SH3TC2: variants seen among roughly 807,000 people sequenced by gnomAD.
SH3TC2 encodes SH3 domain and tetratricopeptide repeats 2.
Under a neutral mutation model 124.5 loss-of-function variants are expected in SH3TC2, and 87 were observed. The ratio of observed to expected loss-of-function variants is 0.70; its 90% CI spans 0.59 to 0.84. The LOEUF (loss-of-function observed/expected upper bound fraction) is 0.84. Among genes scored for constraint, SH3TC2 ranks in the 40% least tolerant of loss-of-function variants. The pLI is 0.00. For missense variants in SH3TC2, 1,536 were observed against 1,566.4 expected, an observed-to-expected ratio of 0.98 and a Z score of 0.33; for synonymous variants, 634 against 628.5, an observed-to-expected ratio of 1.01 and a Z score of -0.13.
intron 8 of SH3TC2, among the ~76,000 whole-genome samples, chr5:149,032,186 C>A (rs1427688280): frequency 6.6e-6 from 1 of 152,156 alleles, no homozygotes; most frequent in Non-Finnish European, 1.5e-5. Context: ...TCAGAGGAAT[C>A]TTTCACCATT....
chr5:149,036,583 A>G (rs1437469803), intron 8 of SH3TC2, among the ~76,000 whole-genome samples: 1 of 152,170 alleles, frequency 6.6e-6, no homozygotes, highest in Non-Finnish European at 1.5e-5. Context: ...AGGACATTTA[A>G]TGAGAGCTCA....
chr5:148,989,242 A>G lies in SH3TC2; in HGVS notation c.*15469T>C, dbSNP rs1029042941. ...ATTAACGACCTATTACATTCCAGCCACCATGCTAACTGCTTTAGACATATT... is the reference window on the plus strand; with the variant it reads ...ATTAACGACCTATTACATTCCAGCCGCCATGCTAACTGCTTTAGACATATT... On this transcript the variant is annotated 3_prime_UTR_variant, in exon 17 of 17. Coordinates refer to ENST00000515425, the MANE Select transcript of SH3TC2 (RefSeq NM_024577.4). Among the ~76,000 whole-genome samples, 8 of 152,218 alleles carry G rather than the reference A, an allele frequency of 5.3e-5. No homozygotes were observed. Among genetic ancestry groups the G allele is most frequent in the African/African-American group, 1.4e-4 (6 of 41,454 alleles).
In SH3TC2 at chr5:149,027,521, G is replaced by C. The variant is rs1318388071; in HGVS notation, c.2211C>G (p.Cys737Trp). 6.2e-7 allele frequency: 1 copy of C among 1,614,078 alleles called. No individual in the cohort carries two copies. The highest frequency in any genetic ancestry group is 8.5e-7 in the Non-Finnish European group (1 of 1,180,034). ...CAGCCAGGGCCTGTCTGAGCATTGG[G>C]CAGGCCAAGGCAGAAACTTCACCCC... ...PGWGEVSALA[C>W]PMLRQALAAC... is the part of the protein sequence containing the mutation. Residue 737 changes from cysteine to tryptophan, a missense_variant, in exon 11 of 17, where the codon TGC becomes TGG. This residue lies in a region of SH3TC2 where 1,102 missense variants were observed against 1,098.6 expected (regional missense o/e 1.00). Transcript: ENST00000515425.
chr5:149,015,613 A>G (rs1753857821), intron 12 of SH3TC2, among the ~76,000 whole-genome samples: 1 of 152,094 alleles, frequency 6.6e-6, no homozygotes, highest in South Asian at 2.1e-4. Flanking sequence ...CCTCAAGTTC[A>G]GTCTCTGGGG....
chr5:148,985,334 A>G lies in SH3TC2; in HGVS notation c.*19377T>C, dbSNP rs1753315883. On this transcript the variant is annotated 3_prime_UTR_variant, in exon 17 of 17. Coordinates refer to ENST00000515425, the MANE Select transcript of SH3TC2 (RefSeq NM_024577.4). ...ATGCCATCACTACTACAATCAAGAT[A>G]TAGAACAGCTCCATCACTTCAAACA... 6.6e-6 allele frequency among the ~76,000 whole-genome samples: 1 copy of G among 152,228 alleles called. No individual in the cohort carries two copies. Among genetic ancestry groups the G allele is most frequent in the Non-Finnish European group, 1.5e-5 (1 of 68,030 alleles).
In SH3TC2 at chr5:149,052,275, T is replaced by C. The variant is rs1368034762; in HGVS notation, c.53-35A>G. ...ATGAAATAAAAGGTCATCTTAAGAG[T>C]GTAAGGAAGTTGAAAGCAAGTTATA... is the stretch of plus-strand genomic sequence containing the variant. On this transcript the variant is annotated intron_variant, in intron 1 of 16. Coordinates refer to ENST00000515425, the MANE Select transcript of SH3TC2 (RefSeq NM_024577.4). 2.6e-6 allele frequency: 4 copies of C among 1,527,444 alleles called. No individual in the cohort carries two copies. In the African/African-American group the frequency reaches 5.5e-5, roughly 21 times the overall value. 94.6% of individuals were successfully genotyped at this position (1,527,444 alleles called of 1,614,324 possible).
intron 12 of SH3TC2, among the ~76,000 whole-genome samples, chr5:149,015,114 A>G (rs991736859): frequency 3.9e-5 from 6 of 152,114 alleles, no homozygotes; most frequent in African/African-American, 1.4e-4. Flanking sequence ...GGAGATCTCT[A>G]TTTCTTTCCA....
At chr5:149,026,356 G>A in intron 12 of SH3TC2, 2 of 605,388 alleles carry the variant, frequency 3.3e-6, no homozygotes, top group Non-Finnish European at 5.8e-6. Flanking sequence ...TCCTTTGGCT[G>A]ATGAGGAAAC....
chr5:149,061,880 G>A (rs145491473), intron 1 of SH3TC2, among the ~76,000 whole-genome samples: 62 of 152,160 alleles, frequency 4.1e-4, no homozygotes, highest in Non-Finnish European at 6.5e-4. Context: ...AGCTAAAGTC[G>A]TGCCTTTTGT....
intron 12 of SH3TC2, among the ~76,000 whole-genome samples, chr5:149,015,723 G>A (rs745433857): frequency 3.3e-5 from 5 of 152,062 alleles, no homozygotes; most frequent in Non-Finnish European, 7.3e-5. Flanking sequence ...CTTACCACCC[G>A]CTGCTGGGGC....
In SH3TC2 at chr5:149,001,269, C is replaced by T. The variant is rs1753592956; in HGVS notation, c.*3442G>A. The stretch of plus-strand genomic sequence containing the variant: ...AAAGGACAAAAGCAATATTGGATTT[C>T]AGAATGTTAATACTGTTGGACAGGG... On this transcript the variant is annotated 3_prime_UTR_variant, in exon 17 of 17. Coordinates refer to ENST00000515425, the MANE Select transcript of SH3TC2 (RefSeq NM_024577.4). 6.6e-6 allele frequency: 1 copy of T among 152,106 alleles called. No homozygotes were observed. Among genetic ancestry groups the T allele is most frequent in the African/African-American group, 2.4e-5 (1 of 41,408 alleles). The allele number at this position is 152,106 out of a possible 1,614,324, so 9.4% of individuals were successfully genotyped here. A position where few individuals can be genotyped will look rare whatever the true frequency, so the allele number is the denominator to read the frequency against.
In SH3TC2 at chr5:149,004,680, T is replaced by A. The variant is rs755430742; in HGVS notation, c.*31A>T. On this transcript the variant is annotated 3_prime_UTR_variant, in exon 17 of 17. Coordinates refer to ENST00000515425, the MANE Select transcript of SH3TC2 (RefSeq NM_024577.4). ...GGGCAGTGGGGTCAGAGTCTGGCCA[T>A]GCCAAATGTCCAGAGACAGGACAGC... 1 of 1,611,226 alleles carries A rather than the reference T, an allele frequency of 6.2e-7. No homozygotes were observed. Among genetic ancestry groups the A allele is most frequent in the South Asian group, 1.1e-5 (1 of 90,762 alleles).
intron 12 of SH3TC2, among the ~76,000 whole-genome samples, chr5:149,023,573 T>C (rs1430562251): frequency 1.4e-5 from 2 of 140,628 alleles, no homozygotes; most frequent in Admixed American, 7.8e-5. Flanking sequence ...CCTTCAATAA[T>C]AGTGTAATCC....
At chr5:149,043,462 C>T (rs1754405320) in intron 4 of SH3TC2, among the ~76,000 whole-genome samples, 1 of 152,156 alleles carries the variant, frequency 6.6e-6, no homozygotes, top group Admixed American at 6.5e-5. Flanking sequence ...TCTCTTGAGG[C>T]TTCTTCTGTT....
intron 9 of SH3TC2, among the ~76,000 whole-genome samples, chr5:149,028,963 C>T (rs974811715): frequency 3.5e-5 from 5 of 141,290 alleles, no homozygotes; most frequent in East Asian, 2.1e-4. Context: ...ACTCAGAGTC[C>T]GAGAAGAAAA....
At position 148,995,337 on chromosome 5, in the gene SH3TC2, A is replaced by G; in HGVS notation, c.*9374T>C. Among the ~76,000 whole-genome samples the G allele has an allele frequency of 6.6e-6, 1 of 152,196 alleles. No individual in the cohort carries two copies. On this transcript the variant is annotated 3_prime_UTR_variant, in exon 17 of 17. Transcript: ENST00000515425. ...TCACCTGAAAAGGGGAGATAAGGTC[A>G]CCTTCTTTGGAGGATCATTTGGAGG...
chr5:149,004,379 GA>G lies in SH3TC2; in HGVS notation c.*331del. ...GTGACTGATTTCCTCATTGGGGGAG[GA>G]AGGAAGGCTCCTGGAGGGCAAGATC... On this transcript the variant is annotated 3_prime_UTR_variant, in exon 17 of 17. Transcript: ENST00000515425. 1 of 299,068 alleles carries G rather than the reference GA, an allele frequency of 3.3e-6. No individual in the cohort carries two copies. Among genetic ancestry groups the G allele is most frequent in the South Asian group, 5.5e-5 (1 of 18,316 alleles). The allele number at this position is 299,068 out of a possible 1,614,324, so 18.5% of individuals were successfully genotyped here.
chr5:149,028,005 G>C lies in SH3TC2; in HGVS notation c.1727C>G (p.Ala576Gly). 1.2e-6 allele frequency: 2 copies of C among 1,614,188 alleles called. No homozygotes were observed. The highest frequency in any genetic ancestry group is 1.1e-5 in the South Asian group (1 of 91,082). ...CAGCCTCTGTTTCAGGTAGATGGCA[G>C]CCAAATTGATGTACAGAGTGGCCAC... Reference protein sequence around the residue: ...SLVATLYINLAAIYLKQRLRH... With the variant: ...SLVATLYINLGAIYLKQRLRH... The change falls in exon 11 of 17, where the codon GCT (alanine) becomes GGT (glycine). Residue 576 changes from alanine to glycine, a missense_variant. Physicochemically the swap from Ala to Gly is moderately conservative, Grantham distance 60. Transcript: ENST00000515425.
intron 6 of SH3TC2, 73 bp from the exon 7 acceptor site, chr5:149,040,750 G>T: frequency 8.3e-7 from 1 of 1,206,302 alleles, no homozygotes; most frequent in Non-Finnish European, 1.2e-6. Context: ...CAGTCTATCA[G>T]AATAATGATG....
Sources: allele counts gnomAD v4.1 joint callset (sites outside exome capture counted in the v4.1 genomes callset), GRCh38; gene constraint gnomAD v4.1.1; regional missense constraint gnomAD v4.1.1; transcripts MANE v1.5; gene names NCBI Gene and HGNC (gene_info 2026-07-23, HGNC 2026-07-21).